COL23A1: variants seen among roughly 807,000 people sequenced by gnomAD.
COL23A1 encodes the protein collagen alpha-1(XXIII) chain.
Under a neutral mutation model 99.3 loss-of-function variants are expected in COL23A1, and 97 were observed. The observed-to-expected ratio is 0.98, with a 90% CI of 0.83 to 1.16. COL23A1 has a LOEUF of 1.16. Ranked by LOEUF, COL23A1 falls within the 50% of genes most tolerant of loss-of-function variation. The pLI is 0.00. For missense variants in COL23A1, 762 were observed against 757.4 expected, an observed-to-expected ratio of 1.01 and a Z score of -0.07; for synonymous variants, 320 against 308.2, an observed-to-expected ratio of 1.04 and a Z score of -0.40.
At chr5:178,344,773 G>A in intron 2 of COL23A1, 4 of 503,118 alleles carry the variant, frequency 8.0e-6, no homozygotes, top group Non-Finnish European at 1.5e-5. Flanking sequence ...TATGCCCGTT[G>A]CCTCCAGAAA....
rs1756227575 is a variant in COL23A1, at chr5:178,270,485, G to A, written c.442-122C>T. ...AAGCCTGTGGGAGCCCCGCGTCTGG[G>A]TTCAGTCCATGTGGCCTGGGGCTGA... On this transcript the variant is annotated intron_variant, in intron 5 of 28. Coordinates refer to ENST00000390654, the MANE Select transcript of COL23A1 (RefSeq NM_173465.4). The A allele has an allele frequency of 4.2e-6, 5 of 1,204,056 alleles. No homozygotes were observed. In the Admixed American group the frequency reaches 7.9e-5, roughly 19 times the overall value. The allele number at this position is 1,204,056 out of a possible 1,614,324, so 74.6% of individuals were successfully genotyped here. A position where few individuals can be genotyped will look rare whatever the true frequency, so the allele number is the denominator to read the frequency against.
chr5:178,342,574 G>A (rs955474233), intron 2 of COL23A1, among the ~76,000 whole-genome samples: 4 of 152,184 alleles, frequency 2.6e-5, no homozygotes, highest in African/African-American at 7.2e-5. Flanking sequence ...ACCGGCCAGA[G>A]CATCTGAAGC....
intron 2 of COL23A1, among the ~76,000 whole-genome samples, chr5:178,536,604 T>C (rs578230171): frequency 3.7e-4 from 56 of 152,298 alleles, no homozygotes; most frequent in African/African-American, 1.3e-3. Context: ...CCAAGCCTGA[T>C]GGCCTCACAC....
intron 1 of COL23A1, chr5:178,562,736 T>TGGGG (rs569933780): frequency 2.1e-4 from 22 of 106,792 alleles, no homozygotes; most frequent in African/African-American, 8.4e-4. Context: ...TGGCTGGTGG[T>TGGGG]GGGGGGGGTG....
In COL23A1 at chr5:178,279,197, A is replaced by ACATT. The variant is rs750378330; in HGVS notation, c.442-8835_442-8834insAATG. Among the ~76,000 whole-genome samples the ACATT allele has an allele frequency of 2.2e-3, 336 of 152,266 alleles. 1 individual carries two copies. Among genetic ancestry groups the ACATT allele is most frequent in the Non-Finnish European group, 3.9e-3 (268 of 68,012 alleles). ...TGTACCCCTGGCCTGGCATTCAAGG[A>ACATT]CAACCTCTTCCTCCTGAGCGCCTCC... On this transcript the variant is annotated intron_variant, in intron 5 of 28. Transcript: ENST00000390654.
At chr5:178,492,872 T>C (rs114949276) in intron 2 of COL23A1, among the ~76,000 whole-genome samples, 180 of 152,234 alleles carry the variant, frequency 1.2e-3, no homozygotes, top group African/African-American at 4.1e-3. Context: ...GTTAAGTGGC[T>C]GAACTTCTCT....
intron 2 of COL23A1, among the ~76,000 whole-genome samples, chr5:178,319,833 G>C (rs1759190391): frequency 6.6e-6 from 1 of 152,200 alleles, no homozygotes; most frequent in Non-Finnish European, 1.5e-5. Context: ...TCAGTCTTAG[G>C]CAAACTGGAA....
intron 2 of COL23A1, among the ~76,000 whole-genome samples, chr5:178,507,044 CAG>C (rs1232474585): frequency 1.3e-5 from 2 of 152,300 alleles, no homozygotes; most frequent in African/African-American, 2.4e-5. Context: ...GCTTATAAAA[CAG>C]GGTACATTTC....
intron 2 of COL23A1, among the ~76,000 whole-genome samples, chr5:178,380,140 T>TA: frequency 6.6e-6 from 1 of 152,300 alleles, no homozygotes; most frequent in Non-Finnish European, 1.5e-5. Flanking sequence ...AAGCCCTTTT[T>TA]ACCACTGAGG....
intron 2 of COL23A1, among the ~76,000 whole-genome samples, chr5:178,441,121 GAC>G (rs1268800154): frequency 6.6e-6 from 1 of 152,162 alleles, no homozygotes; most frequent in Admixed American, 6.5e-5. Flanking sequence ...TACCCAATAA[GAC>G]GTCTACTCTG....
intron 2 of COL23A1, among the ~76,000 whole-genome samples, chr5:178,368,894 G>A (rs779829734): frequency 3.3e-5 from 5 of 152,346 alleles, no homozygotes; most frequent in Non-Finnish European, 5.9e-5. Context: ...ATATGCCCAC[G>A]TCCCTGCACC....
At chr5:178,345,555 C>A (rs1760918163) in intron 2 of COL23A1, among the ~76,000 whole-genome samples, 1 of 151,902 alleles carries the variant, frequency 6.6e-6, no homozygotes, top group Non-Finnish European at 1.5e-5. Context: ...TTCGCTCTGC[C>A]ACCCAGGCTG....
In COL23A1 at chr5:178,468,370, G is replaced by A. The variant is rs796546118; in HGVS notation, c.361+92312C>T. Among the ~76,000 whole-genome samples, 17 of 152,342 alleles carry A rather than the reference G, an allele frequency of 1.1e-4. No homozygotes were observed. The highest frequency in any genetic ancestry group is 3.8e-4 in the African/African-American group (16 of 41,574). On this transcript the variant is annotated intron_variant, in intron 2 of 28. Coordinates refer to ENST00000390654, the MANE Select transcript of COL23A1 (RefSeq NM_173465.4). The surrounding 1 kb of genome is among the most constrained non-coding windows in gnomAD (Gnocchi z 4.2). ...ACAGGGAGGGGATGGAAGCCAGCAC[G>A]TGGGTCAAAGGGCGATGGACTGGGC...
chr5:178,326,902 T>C (rs1166686009), intron 2 of COL23A1, among the ~76,000 whole-genome samples: 1 of 152,196 alleles, frequency 6.6e-6, no homozygotes, highest in East Asian at 1.9e-4. Flanking sequence ...GTATTTTTAG[T>C]AGAGACGGGG....
intron 23 of COL23A1, 37 bp downstream of exon 23, chr5:178,246,354 T>C (rs1296531349): frequency 6.4e-7 from 1 of 1,564,910 alleles, no homozygotes; most frequent in East Asian, 2.3e-5. Flanking sequence ...TGACAGGAAT[T>C]AACACCTTTG....
At position 178,589,934 on chromosome 5, in the gene COL23A1, G is replaced by C. The variant is rs262030; in HGVS notation, c.264C>G (p.Ala88=). The part of the protein sequence containing the change: ...AGPPGALDAW[A]EPHLERLLRE... ...GCAGCAGGCGCTCCAGGTGCGGCTC[G>C]GCCCAGGCGTCCAGGGCGCCTGGCG... Residue 88 remains alanine, a synonymous_variant, in exon 1 of 29, where the codon GCC becomes GCG. Transcript: ENST00000390654. This position sits in a 1 kb window ranked among gnomAD's most constrained non-coding sequence, Gnocchi z 5.4. The C allele has an allele frequency of 2.3e-6, 3 of 1,322,792 alleles. No homozygotes were observed. The highest frequency in any genetic ancestry group is 2.9e-6 in the Non-Finnish European group (3 of 1,043,340). 81.9% of individuals were successfully genotyped at this position (1,322,792 alleles called of 1,614,324 possible). A position where few individuals can be genotyped will look rare whatever the true frequency, so the allele number is the denominator to read the frequency against.
intron 2 of COL23A1, among the ~76,000 whole-genome samples, chr5:178,336,804 T>G (rs1760346131): frequency 6.6e-6 from 1 of 152,202 alleles, no homozygotes; most frequent in Admixed American, 6.5e-5. Flanking sequence ...TGTTTCATCT[T>G]GGACTTAACG....
At chr5:178,367,804 G>A (rs1008880603) in intron 2 of COL23A1, among the ~76,000 whole-genome samples, 6 of 152,238 alleles carry the variant, frequency 3.9e-5, no homozygotes, top group Admixed American at 1.3e-4. Context: ...AGGTGGGTGC[G>A]CAGGTACACG....
chr5:178,327,079 T>C (rs1759729007), intron 2 of COL23A1, among the ~76,000 whole-genome samples: 1 of 152,220 alleles, frequency 6.6e-6, no homozygotes, highest in Non-Finnish European at 1.5e-5. Context: ...GACAATCAAA[T>C]ATCCATTTGC....
Sources: allele counts gnomAD v4.1 joint callset (sites outside exome capture counted in the v4.1 genomes callset), GRCh38; gene constraint gnomAD v4.1.1; non-coding constraint Gnocchi (gnomAD v3.1); transcripts MANE v1.5; gene names NCBI Gene and HGNC (gene_info 2026-07-23, HGNC 2026-07-21).